Variants in RNF123 observed in about 807,000 individuals in gnomAD.
The protein encoded by RNF123 is ring finger protein 123, also known as E3 ubiquitin-protein ligase RNF123.
Under a neutral mutation model 168.5 loss-of-function variants are expected in RNF123, and 86 were observed. That is an observed-to-expected ratio of 0.51 (90% CI 0.43 to 0.61). The LOEUF is 0.61. Among genes scored for constraint, RNF123 ranks in the 20% least tolerant of loss-of-function variants. The probability of loss-of-function intolerance (pLI) is 0.00; values close to 1 mark genes in which losing one functional copy is unlikely to be tolerated. For missense variants in RNF123, 1,419 were observed against 1,729.7 expected (o/e 0.82, Z 3.19); for synonymous variants, 666 against 689.1 (o/e 0.97, Z 0.52).
intron 26 of RNF123, 125 bp from the exon 27 acceptor site, chr3:49,712,354 C>A: frequency 1.1e-6 from 1 of 870,622 alleles, no homozygotes; most frequent in Non-Finnish European, 1.8e-6. Context: ...CTCATGCTTC[C>A]TGAAATCCAG....
At chr3:49,695,984 A>C (rs1575520228) in intron 3 of RNF123, among the ~76,000 whole-genome samples, 1 of 152,140 alleles carries the variant, frequency 6.6e-6, no homozygotes, top group South Asian at 2.1e-4. Context: ...CCATTTATGG[A>C]CTGGCGGGTA....
chr3:49,696,409 C>T (rs2329018), intron 3 of RNF123, among the ~76,000 whole-genome samples: 13 of 146,868 alleles, frequency 8.9e-5, no homozygotes, highest in Non-Finnish European at 1.4e-4. Context: ...AGTGCAGTGG[C>T]ACGATCATGG....
chr3:49,721,415 C>A lies in RNF123; in HGVS notation c.*110C>A. 7.1e-7 allele frequency: 1 copy of A among 1,406,712 alleles called. No homozygotes were observed. Among genetic ancestry groups the A allele is most frequent in the Non-Finnish European group, 1.0e-6 (1 of 992,502 alleles). 87.1% of individuals were successfully genotyped at this position (1,406,712 alleles called of 1,614,324 possible). On this transcript the variant is annotated 3_prime_UTR_variant, in exon 39 of 39. Coordinates refer to ENST00000327697, the MANE Select transcript of RNF123 (RefSeq NM_022064.5). ...CTCCTGTATCCCACACCACCACATC[C>A]AACCTCCTTGCCTGCCTGTATCCTC...
rs747670903 is a variant in RNF123 at position 49,718,331 on chromosome 3, C to T, written c.3500+1854C>T. On this transcript the variant is annotated intron_variant, in intron 35 of 38. Coordinates refer to ENST00000327697, the MANE Select transcript of RNF123 (RefSeq NM_022064.5). ...GTGGTGAAGCCTGTGTTGAAAGCCT[C>T]GGGCTCTGGGCGCGGAAAGTGCACG... 54 of 1,613,270 alleles carry T rather than the reference C, an allele frequency of 3.3e-5. No individual in the cohort carries two copies. Among genetic ancestry groups the T allele is most frequent in the Admixed American group, 3.3e-4 (20 of 60,002 alleles).
At chr3:49,709,194 C>T (rs1341934898) in intron 26 of RNF123, among the ~76,000 whole-genome samples, 3 of 151,896 alleles carry the variant, frequency 2.0e-5, no homozygotes, top group East Asian at 1.9e-4. Context: ...TGCAATGGCG[C>T]GATCTCGGCT....
chr3:49,694,179 C>T (rs2054223377), intron 3 of RNF123, among the ~76,000 whole-genome samples: 1 of 152,144 alleles, frequency 6.6e-6, no homozygotes, highest in African/African-American at 2.4e-5. Flanking sequence ...TTATCACCTT[C>T]AGTTCTTTTC....
At position 49,699,612 on chromosome 3, in the gene RNF123, G is replaced by A. The variant is rs1163281381; in HGVS notation, c.879+30G>A. Reference sequence around the variant, plus strand: ...GCTGGGGTCTGGGCCAGGCGGGGTGGGGGGCTTCCACAGCCTCCTGCCCCT... The same window carrying A: ...GCTGGGGTCTGGGCCAGGCGGGGTGAGGGGCTTCCACAGCCTCCTGCCCCT... On this transcript the variant is annotated intron_variant, in intron 11 of 38. Coordinates refer to ENST00000327697, the MANE Select transcript of RNF123 (RefSeq NM_022064.5). The surrounding 1 kb of genome is among the most constrained non-coding windows in gnomAD (Gnocchi z 4.8). 3 of 1,612,318 alleles carry A rather than the reference G, an allele frequency of 1.9e-6. No homozygotes were observed. The highest frequency in any genetic ancestry group is 1.1e-5 in the South Asian group (1 of 91,052).
At chr3:49,704,538 G>A (rs2054472899) in intron 21 of RNF123, 112 bp from the exon 22 acceptor site, 1 of 839,480 alleles carries the variant, frequency 1.2e-6, no homozygotes. Context: ...GCTAAACCGG[G>A]CTCTGCAAGG....
chr3:49,696,710 T>C (rs1228780246), intron 3 of RNF123, among the ~76,000 whole-genome samples: 1 of 146,546 alleles, frequency 6.8e-6, no homozygotes, highest in African/African-American at 2.5e-5. Flanking sequence ...AATGACACGA[T>C]CTTGGCTTAC....
At chr3:49,720,200 C>T in intron 35 of RNF123, 1 of 197,894 alleles carries the variant, frequency 5.1e-6, no homozygotes. Context: ...TCTGCAATTC[C>T]AGCTACTCGG....
intron 7 of RNF123, 105 bp from the exon 8 acceptor site, chr3:49,698,335 C>G (rs1575522483): frequency 9.7e-7 from 1 of 1,035,780 alleles, no homozygotes; most frequent in Non-Finnish European, 1.5e-6. Flanking sequence ...CTCAGATCAT[C>G]TGTTCCCTTC....
intron 3 of RNF123, among the ~76,000 whole-genome samples, chr3:49,693,399 C>T (rs915838017): frequency 7.8e-6 from 1 of 128,580 alleles, no homozygotes; most frequent in African/African-American, 2.9e-5. Context: ...TCTTGTTGCC[C>T]AGCCTGGAGT....
chr3:49,718,636 G>A (rs2080308143), intron 35 of RNF123: 1 of 1,612,888 alleles, frequency 6.2e-7, no homozygotes, highest in Non-Finnish European at 8.5e-7. Flanking sequence ...GCCAAGAGCT[G>A]GGGCCGACGA....
At chr3:49,702,189 A>T in intron 18 of RNF123, 45 bp downstream of exon 18, 1 of 1,601,108 alleles carries the variant, frequency 6.2e-7, no homozygotes, top group Non-Finnish European at 8.6e-7. Flanking sequence ...GTGGGGAGGG[A>T]TGCTGCACTG....
intron 35 of RNF123, chr3:49,718,869 G>A (rs2108205053): frequency 1.2e-6 from 2 of 1,613,522 alleles, no homozygotes; most frequent in East Asian, 2.2e-5. Flanking sequence ...GCTCAGGTAC[G>A]GAGATGTGTC....
intron 26 of RNF123, among the ~76,000 whole-genome samples, chr3:49,710,374 G>A (rs1226115254): frequency 6.6e-6 from 1 of 152,114 alleles, no homozygotes; most frequent in Non-Finnish European, 1.5e-5. Flanking sequence ...CTGCCTCCCA[G>A]GTTCAAGCGA....
intron 35 of RNF123, chr3:49,717,871 C>T (rs1175177919): frequency 6.8e-7 from 1 of 1,467,274 alleles, no homozygotes; most frequent in African/African-American, 1.4e-5. Flanking sequence ...CCACCAGTAT[C>T]TGCCAGTTCT....
Position 49,697,348 on chromosome 3 carries a change from C to T in RNF123, c.248-15C>T, listed in dbSNP as rs1575521501. ...AATGCTCCACCCTGCCTGACCCCAC[C>T]TCTCCTCTTTTCAGGACAGGTTGAA... On this transcript the variant is annotated splice_polypyrimidine_tract_variant and intron_variant, in intron 4 of 38. Coordinates refer to ENST00000327697, the MANE Select transcript of RNF123 (RefSeq NM_022064.5). 6.2e-7 allele frequency: 1 copy of T among 1,605,402 alleles called. No individual in the cohort carries two copies. Among genetic ancestry groups the T allele is most frequent in the African/African-American group, 1.3e-5 (1 of 74,900 alleles).
At chr3:49,698,322 T>G in intron 7 of RNF123, 118 bp from the exon 8 acceptor site, 1 of 983,034 alleles carries the variant, frequency 1.0e-6, no homozygotes, top group Non-Finnish European at 1.6e-6. Flanking sequence ...TCTTACTCTT[T>G]CCCTCAGATC....
Sources: allele counts gnomAD v4.1 joint callset (sites outside exome capture counted in the v4.1 genomes callset), GRCh38; gene constraint gnomAD v4.1.1; non-coding constraint Gnocchi (gnomAD v3.1); transcripts MANE v1.5; gene names NCBI Gene and HGNC (gene_info 2026-07-23, HGNC 2026-07-21).